Variants in QKI observed in about 807,000 individuals in gnomAD.
QKI encodes the protein KH domain-containing RNA-binding protein QKI.
A neutral mutation model predicts 39.0 loss-of-function variants in QKI; 10 were observed. The ratio of observed to expected loss-of-function variants is 0.26; its 90% CI spans 0.16 to 0.43. The LOEUF (loss-of-function observed/expected upper bound fraction) is 0.43. Ranked by LOEUF, QKI falls within the 20% of genes least tolerant of loss-of-function variation. The probability of loss-of-function intolerance (pLI) is 1.00; values close to 1 mark genes in which losing one functional copy is unlikely to be tolerated. For missense variants in QKI, 218 were observed against 428.0 expected (o/e 0.51, Z 4.33); for synonymous variants, 204 against 155.4 (o/e 1.31, Z -2.33).
chr6:163,510,259 T>TAA (rs869034912), intron 3 of QKI, among the ~76,000 whole-genome samples: 1 of 140,240 alleles, frequency 7.1e-6, no homozygotes, highest in African/African-American at 2.7e-5. Flanking sequence ...ATAATAATAA[T>TAA]AAGTAAACTA....
At chr6:163,423,810 G>C (rs1363102068) in intron 1 of QKI, among the ~76,000 whole-genome samples, 2 of 152,220 alleles carry the variant, frequency 1.3e-5, no homozygotes, top group African/African-American at 4.8e-5. Context: ...AAAAATTGTT[G>C]CTGCTATTAT....
chr6:163,439,354 T>TGGGG (rs201292493), intron 1 of QKI, among the ~76,000 whole-genome samples: 1 of 133,362 alleles, frequency 7.5e-6, no homozygotes, highest in Non-Finnish European at 1.6e-5. Context: ...TTTTTTTTTT[T>TGGGG]CGGGGGGGTG....
intron 2 of QKI, among the ~76,000 whole-genome samples, chr6:163,456,532 T>C (rs1319061769): frequency 1.3e-5 from 2 of 152,178 alleles, no homozygotes; most frequent in Non-Finnish European, 2.9e-5. Flanking sequence ...TATGATTCTT[T>C]AGTTATATGG....
At chr6:163,536,208 A>G (rs1246739268) in intron 4 of QKI, among the ~76,000 whole-genome samples, 3 of 152,130 alleles carry the variant, frequency 2.0e-5, no homozygotes, top group South Asian at 2.1e-4. Context: ...ACTAAAATCT[A>G]TATTTGTGTA....
At chr6:163,558,404 CTTT>C (rs964172716) in intron 4 of QKI, among the ~76,000 whole-genome samples, 1 of 135,596 alleles carries the variant, frequency 7.4e-6, no homozygotes. Context: ...TTTTCTTTTT[CTTT>C]TTTTTTTTTT....
chr6:163,463,496 C>A (rs77843738), intron 2 of QKI, among the ~76,000 whole-genome samples: 2 of 152,140 alleles, frequency 1.3e-5, no homozygotes, highest in African/African-American at 4.8e-5. Context: ...CGTGATACTT[C>A]GATTTGACAC....
chr6:163,515,685 A>C (rs1779747580), intron 3 of QKI, among the ~76,000 whole-genome samples: 1 of 152,202 alleles, frequency 6.6e-6, no homozygotes, highest in Non-Finnish European at 1.5e-5. Context: ...AGGGAAACTT[A>C]CATATAATGA....
chr6:163,489,571 G>A (rs1160248444), intron 3 of QKI, among the ~76,000 whole-genome samples: 1 of 150,676 alleles, frequency 6.6e-6, no homozygotes, highest in Non-Finnish European at 1.5e-5. Context: ...ATAATGGTTA[G>A]ACTTACTTGA....
intron 1 of QKI, among the ~76,000 whole-genome samples, chr6:163,420,256 G>A (rs149471057): frequency 4.6e-4 from 68 of 148,382 alleles, no homozygotes; most frequent in Non-Finnish European, 8.4e-4. Flanking sequence ...GATCATAGGA[G>A]CAACTTTTTA....
At chr6:163,489,981 C>T (rs528317496) in intron 3 of QKI, among the ~76,000 whole-genome samples, 93 of 152,218 alleles carry the variant, frequency 6.1e-4, no homozygotes, top group African/African-American at 2.2e-3. Flanking sequence ...TTCAGCCTCC[C>T]TTATTGGTAC....
chr6:163,423,730 T>C (rs542819446), intron 1 of QKI: 1 of 152,344 alleles, frequency 6.6e-6, no homozygotes, highest in African/African-American at 2.4e-5. Context: ...GAGAAAGCCA[T>C]TTTTAGAGGA....
chr6:163,537,874 C>T (rs943888107), intron 4 of QKI, among the ~76,000 whole-genome samples: 1 of 152,178 alleles, frequency 6.6e-6, no homozygotes, highest in African/African-American at 2.4e-5. Context: ...TGTTACCTTT[C>T]CCTGCTTAAA....
intron 2 of QKI, among the ~76,000 whole-genome samples, chr6:163,471,279 G>T (rs914633064): frequency 6.6e-6 from 1 of 152,036 alleles, no homozygotes; most frequent in Non-Finnish European, 1.5e-5. Context: ...TTTCAGATAA[G>T]GAAAAATGGA....
At chr6:163,535,750 G>A (rs1246232254) in intron 4 of QKI, among the ~76,000 whole-genome samples, 1 of 151,908 alleles carries the variant, frequency 6.6e-6, no homozygotes, top group Non-Finnish European at 1.5e-5. Flanking sequence ...GGCCAACATG[G>A]TGAAACCCCA....
chr6:163,425,663 T>A (rs1027855575), intron 1 of QKI, among the ~76,000 whole-genome samples: 1 of 152,206 alleles, frequency 6.6e-6, no homozygotes, highest in East Asian at 1.9e-4. Context: ...TCCTTAAAGA[T>A]TTTTTAAATT....
chr6:163,565,670 G>T (rs1037582100), intron 6 of QKI: 3 of 1,101,630 alleles, frequency 2.7e-6, no homozygotes, highest in African/African-American at 3.2e-5. Context: ...ATCTATTATG[G>T]TTAATTTCAT....
At chr6:163,561,890 A>C (rs1783042973) in intron 4 of QKI, 92 bp from the exon 5 acceptor site, 1 of 944,062 alleles carries the variant, frequency 1.1e-6, no homozygotes, top group Non-Finnish European at 1.6e-6. Flanking sequence ...CTGTAGTCAC[A>C]TGATACTTAC....
chr6:163,565,796 TTA>T (rs781391714), intron 6 of QKI: 40 of 1,349,646 alleles, frequency 3.0e-5, no homozygotes, highest in Non-Finnish European at 3.8e-5. Context: ...TGCATGCTAT[TTA>T]TGTCACATCT....
chr6:163,415,328 G>A lies in QKI; in HGVS notation c.135G>A (p.Leu45=), dbSNP rs143702784. The change falls in exon 1 of 8, where the codon CTG becomes CTA. Residue 45 remains leucine (L), a synonymous_variant. Transcript: ENST00000361752. The part of the protein sequence containing the change: ...CGIFNHLERL[L]DEEISRVRKD... ...TCTTCAACCACCTCGAGCGGCTGCT[G>A]GACGAAGGTGAGCGTCTCCAGGGCC... 3.1e-5 allele frequency: 50 copies of A among 1,588,716 alleles called. No homozygotes were observed. Among genetic ancestry groups the A allele is most frequent in the African/African-American group, 2.8e-4 (21 of 73,984 alleles).
Sources: gnomAD v4.1 joint callset for allele counts (sites outside exome capture counted in the v4.1 genomes callset) on GRCh38, gnomAD v4.1.1 for gene constraint, MANE v1.5 for transcripts, NCBI Gene and HGNC (gene_info 2026-07-23, HGNC 2026-07-21) for gene names.